Variants in SLC17A1 observed in about 807,000 individuals in gnomAD.
SLC17A1 encodes sodium-dependent phosphate transport protein 1.
SLC17A1 carries 51 observed loss-of-function variants against 53.5 expected under a neutral mutation model. The observed-to-expected ratio is 0.95, with a 90% CI of 0.76 to 1.20. SLC17A1 has a LOEUF of 1.20. Ranked by LOEUF, SLC17A1 falls within the 50% of genes most tolerant of loss-of-function variation. SLC17A1 has a pLI of 0.00. For synonymous variants in SLC17A1, 179 were observed against 198.8 expected (o/e 0.90, Z 0.84); for missense variants, 538 against 568.2 (o/e 0.95, Z 0.54).
the SLC17A1 span, among the ~76,000 whole-genome samples, chr6:25,739,517 G>A: frequency 6.6e-6 from 1 of 152,056 alleles, no homozygotes; most frequent in African/African-American, 2.4e-5. Context: ...TTTTTAATAG[G>A]TAAGCCTTAG....
intron 3 of SLC17A1, among the ~76,000 whole-genome samples, chr6:25,825,566 G>C (rs1318415241): frequency 6.6e-6 from 1 of 151,864 alleles, no homozygotes; most frequent in East Asian, 1.9e-4. Flanking sequence ...TTATTGAAAT[G>C]TTCTTTTTGT....
At chr6:25,744,172 A>G in the SLC17A1 span, among the ~76,000 whole-genome samples, 20 of 152,210 alleles carry the variant, frequency 1.3e-4, no homozygotes, top group African/African-American at 3.9e-4. Flanking sequence ...GTTGACACAA[A>G]CCTTTGTGTG....
chr6:25,769,112 G>A, the SLC17A1 span: 2 of 1,614,036 alleles, frequency 1.2e-6, no homozygotes, highest in Non-Finnish European at 1.7e-6. Context: ...CACCTAGCCA[G>A]CCCAATGCTT....
At chr6:25,727,012 GT>G in the SLC17A1 span, 1 of 1,614,194 alleles carries the variant, frequency 6.2e-7, no homozygotes, top group South Asian at 1.1e-5. Flanking sequence ...AAGAGGACCC[GT>G]AAGGAGAGTT....
chr6:25,727,082 G>GT, the SLC17A1 span: 2 of 1,614,210 alleles, frequency 1.2e-6, no homozygotes, highest in African/African-American at 2.7e-5. Context: ...GCATCTCTTC[G>GT]AAAGCTATGA....
At chr6:25,797,160 A>G (rs1164478938) in intron 12 of SLC17A1, among the ~76,000 whole-genome samples, 1 of 152,174 alleles carries the variant, frequency 6.6e-6, no homozygotes, top group East Asian at 1.9e-4. Flanking sequence ...AAACAAACAA[A>G]ACCCTCCTTG....
At chr6:25,777,986 T>G (rs1407584882), downstream of SLC17A1, 1 of 1,612,858 alleles carries the variant, frequency 6.2e-7, no homozygotes, top group South Asian at 1.1e-5. Context: ...GAGCCATCTC[T>G]CCTACTGCTG....
At chr6:25,779,003 G>T, downstream of SLC17A1, 1 of 1,603,656 alleles carries the variant, frequency 6.2e-7, no homozygotes, top group Middle Eastern at 1.7e-4. Flanking sequence ...TCTGAACCAA[G>T]AGGGACAGGA....
chr6:25,800,822 T>G, intron 11 of SLC17A1, 68 bp downstream of exon 11: 1 of 992,544 alleles, frequency 1.0e-6, no homozygotes, highest in Non-Finnish European at 1.6e-6. Flanking sequence ...CTGCAATTTT[T>G]CATATGTGTA....
chr6:25,810,608 T>G (rs1210968251), intron 10 of SLC17A1, among the ~76,000 whole-genome samples: 1 of 152,110 alleles, frequency 6.6e-6, no homozygotes, highest in Admixed American at 6.6e-5. Flanking sequence ...AGGTAAGTGT[T>G]GATGGGGATG....
chr6:25,821,444 G>A (rs997622895), intron 3 of SLC17A1, among the ~76,000 whole-genome samples: 5 of 152,158 alleles, frequency 3.3e-5, no homozygotes, highest in African/African-American at 1.2e-4. Context: ...GAGGAAGGAG[G>A]CTACACAGAA....
chr6:25,768,601 T>C, the SLC17A1 span, among the ~76,000 whole-genome samples: 1 of 152,180 alleles, frequency 6.6e-6, no homozygotes, highest in African/African-American at 2.4e-5. Context: ...GCAGGGAACT[T>C]GGGAGTCATC....
the SLC17A1 span, among the ~76,000 whole-genome samples, chr6:25,774,185 A>G: frequency 6.6e-6 from 1 of 152,174 alleles, no homozygotes; most frequent in Non-Finnish European, 1.5e-5. Context: ...TTAAAAAATC[A>G]TTTTTATTCA....
chr6:25,802,558 G>C (rs1207663466), intron 10 of SLC17A1, among the ~76,000 whole-genome samples: 1 of 152,078 alleles, frequency 6.6e-6, no homozygotes, highest in African/African-American at 2.4e-5. Flanking sequence ...GGAGGTCTAT[G>C]GCTGCTGAAT....
chr6:25,726,800 G>T, the SLC17A1 span: 61 of 1,353,728 alleles, frequency 4.5e-5, no homozygotes, highest in African/African-American at 7.3e-4. Context: ...GCGAGACTTG[G>T]AGCTGAGGTC....
At chr6:25,796,546 C>A (rs1763606528) in intron 12 of SLC17A1, among the ~76,000 whole-genome samples, 1 of 152,084 alleles carries the variant, frequency 6.6e-6, no homozygotes, top group Admixed American at 6.6e-5. Context: ...ATTGAGACTG[C>A]AGTAAGTTAT....
the SLC17A1 span, chr6:25,726,549 A>T: frequency 6.3e-7 from 1 of 1,591,800 alleles, no homozygotes; most frequent in Non-Finnish European, 8.6e-7. Context: ...AAATTGCAGC[A>T]ACACGAGAAC....
intron 3 of SLC17A1, among the ~76,000 whole-genome samples, chr6:25,820,514 A>G (rs1012247421): frequency 2.6e-5 from 4 of 152,178 alleles, no homozygotes; most frequent in Admixed American, 1.3e-4. Flanking sequence ...CTGATGTGGC[A>G]TATTTTTTCC....
chr6:25,784,572 A>G (rs35720558), intron 12 of SLC17A1, among the ~76,000 whole-genome samples: 1 of 152,010 alleles, frequency 6.6e-6, no homozygotes, highest in African/African-American at 2.4e-5. Flanking sequence ...GACAGCACCA[A>G]GCTGTCATGA....
Sources: gnomAD v4.1 joint callset for allele counts (sites outside exome capture counted in the v4.1 genomes callset) on GRCh38, gnomAD v4.1.1 for gene constraint, MANE v1.5 for transcripts, NCBI Gene and HGNC (gene_info 2026-07-23, HGNC 2026-07-21) for gene names.